The following SOS2 variants were observed in gnomAD, a reference collection of about 807,000 sequenced individuals.
SOS2 encodes the protein son of sevenless homolog 2.
SOS2 carries 65 observed loss-of-function variants against 148.2 expected under a neutral mutation model. The ratio of observed to expected loss-of-function variants is 0.44; its 90% CI spans 0.36 to 0.54. SOS2 has a LOEUF of 0.54. SOS2 is among the 20% of genes least tolerant of loss of function. SOS2 has a pLI of 0.00. For synonymous variants in SOS2, 539 were observed against 537.1 expected (o/e 1.00, Z -0.05); for missense variants, 1,341 against 1,590.2 (o/e 0.84, Z 2.67).
At chr14:50,196,218 G>A (rs1365264315) in intron 4 of SOS2, among the ~76,000 whole-genome samples, 3 of 152,032 alleles carry the variant, frequency 2.0e-5, no homozygotes, top group South Asian at 2.1e-4. Flanking sequence ...GCACAGTATG[G>A]TGAATATAGT....
intron 12 of SOS2, among the ~76,000 whole-genome samples, chr14:50,155,083 G>C (rs1416043339): frequency 6.6e-6 from 1 of 150,528 alleles, no homozygotes; most frequent in Non-Finnish European, 1.5e-5. Flanking sequence ...ATAGATGAAT[G>C]ATAAATGAAC....
Position 50,118,409 on chromosome 14 carries a change from G to T in SOS2, c.3934C>A (p.Arg1312=), listed in dbSNP as rs775973831. The change falls in exon 23 of 23, where the codon CGG becomes AGG. Residue 1312 remains arginine (R), a synonymous_variant. Transcript: ENST00000216373. ...LPKLPPKTYK[R]ELSHPPLYRL... Reference sequence around the variant, plus strand: ...TACAATGGGGGGTGCGAAAGCTCCCGTTTGTAAGTCTTTGGTGGCAGTTTT... The same window carrying T: ...TACAATGGGGGGTGCGAAAGCTCCCTTTTGTAAGTCTTTGGTGGCAGTTTT... 56 of 1,613,950 alleles carry T rather than the reference G, an allele frequency of 3.5e-5. No individual in the cohort carries two copies. The highest frequency in any genetic ancestry group is 1.3e-5 in the African/African-American group (1 of 74,900).
chr14:50,136,651 T>C (rs1241385110), intron 18 of SOS2, among the ~76,000 whole-genome samples: 1 of 151,652 alleles, frequency 6.6e-6, no homozygotes, highest in East Asian at 1.9e-4. Context: ...GTGCAGTGGC[T>C]CTATCTCAGT....
intron 4 of SOS2, among the ~76,000 whole-genome samples, chr14:50,197,496 AAAC>A (rs1304689486): frequency 6.6e-6 from 1 of 152,134 alleles, no homozygotes; most frequent in African/African-American, 2.4e-5. Flanking sequence ...AACCAAGAGA[AAAC>A]AACAGAGAAA....
intron 21 of SOS2, 66 bp downstream of exon 21, chr14:50,129,895 A>C (rs1566818851): frequency 1.0e-6 from 1 of 988,312 alleles, no homozygotes; most frequent in Admixed American, 2.3e-5. Flanking sequence ...AAAATACTCA[A>C]ATATAATCAA....
chr14:50,192,487 C>CAG (rs1425545254), intron 4 of SOS2, among the ~76,000 whole-genome samples: 6 of 152,148 alleles, frequency 3.9e-5, no homozygotes, highest in Admixed American at 3.9e-4. Flanking sequence ...ACACGGGAGG[C>CAG]AGAGGTTGCA....
At chr14:50,131,533 A>G (rs1883865892) in intron 19 of SOS2, among the ~76,000 whole-genome samples, 1 of 150,998 alleles carries the variant, frequency 6.6e-6, no homozygotes, top group Non-Finnish European at 1.5e-5. Context: ...AACATGTCTG[A>G]ACAGTTTGAG....
intron 1 of SOS2, among the ~76,000 whole-genome samples, chr14:50,218,885 C>G (rs1365722817): frequency 6.6e-6 from 1 of 152,026 alleles, no homozygotes; most frequent in Admixed American, 6.6e-5. Flanking sequence ...GAGGCCGAGA[C>G]GAGTGGATCA....
chr14:50,196,517 T>C (rs902016810), intron 4 of SOS2, among the ~76,000 whole-genome samples: 1 of 152,156 alleles, frequency 6.6e-6, no homozygotes, highest in Admixed American at 6.5e-5. Flanking sequence ...TAGATCTCAT[T>C]CATTCTAACA....
At chr14:50,224,712 T>C (rs1000490744) in intron 1 of SOS2, among the ~76,000 whole-genome samples, 1 of 67,020 alleles carries the variant, frequency 1.5e-5, no homozygotes, top group African/African-American at 7.1e-5. Flanking sequence ...AGCAAGACCT[T>C]GTCTCCACAA....
chr14:50,223,303 G>T (rs1170982973), intron 1 of SOS2, among the ~76,000 whole-genome samples: 5 of 152,158 alleles, frequency 3.3e-5, no homozygotes, highest in Non-Finnish European at 7.4e-5. Flanking sequence ...TGGAGGCTGA[G>T]GCAGGAGGAA....
chr14:50,130,588 T>C lies in SOS2; in HGVS notation c.3250A>G (p.Thr1084Ala), dbSNP rs150752193. 775 of 1,614,026 alleles carry C rather than the reference T, an allele frequency of 4.8e-4. 1 individual carries two copies. The highest frequency in any genetic ancestry group is 8.9e-4 in the East Asian group (40 of 44,878). ...TELESTVSAP[T>A]SPNTPSTPPV... ...GGAGTAGATGGTGTATTTGGAGAGG[T>C]TGGTGCTGACACTGTTGATTCCAGC... Residue 1084 changes from threonine (T) to alanine (A), a missense_variant, in exon 20 of 23, where the codon ACC becomes GCC. This residue lies in a region of SOS2 where 354 missense variants were observed against 347.7 expected (regional missense o/e 1.02). Transcript: ENST00000216373.
chr14:50,213,791 G>A (rs1886960297), intron 1 of SOS2, among the ~76,000 whole-genome samples: 1 of 151,498 alleles, frequency 6.6e-6, no homozygotes, highest in Admixed American at 6.6e-5. Context: ...AGTGGAAAGT[G>A]TGTGTGTGGT....
At chr14:50,186,199 A>T (rs1440543061) in intron 5 of SOS2, among the ~76,000 whole-genome samples, 2 of 152,164 alleles carry the variant, frequency 1.3e-5, no homozygotes, top group Admixed American at 1.3e-4. Flanking sequence ...GCTAAAAAAA[A>T]TTATAGTAGA....
intron 11 of SOS2, 74 bp downstream of exon 11, chr14:50,158,491 G>C: frequency 1.2e-6 from 1 of 827,150 alleles, no homozygotes; most frequent in Admixed American, 2.2e-5. Flanking sequence ...TATTTATTAG[G>C]TACTAGGCAC....
intron 7 of SOS2, among the ~76,000 whole-genome samples, chr14:50,178,329 C>T (rs956978905): frequency 3.2e-4 from 48 of 152,214 alleles, no homozygotes; most frequent in South Asian, 2.1e-3. Flanking sequence ...CATGTGAAGA[C>T]GTGCCTGCTT....
In SOS2 at chr14:50,182,573, T is replaced by C; in HGVS notation, c.748A>G (p.Ile250Val). 3 of 1,606,044 alleles carry C rather than the reference T, an allele frequency of 1.9e-6. No individual in the cohort carries two copies. Among genetic ancestry groups the C allele is most frequent in the South Asian group, 1.1e-5 (1 of 90,870 alleles). ...AAAAGTTTCACAGTCAATTCATGTATATCTGAAATGTTACTAAAAATCTTT... is the reference window on the plus strand; with the variant it reads ...AAAAGTTTCACAGTCAATTCATGTACATCTGAAATGTTACTAAAAATCTTT... ...IEKIFSNISD[I>V]HELTVKLLGL... The change falls in exon 6 of 23, where the codon ATA becomes GTA. Residue 250 changes from isoleucine to valine, a missense_variant. Ile to Val is a conservative substitution (Grantham distance 29). Transcript: ENST00000216373.
chr14:50,204,713 C>T (rs1417729504), intron 1 of SOS2, among the ~76,000 whole-genome samples: 1 of 151,960 alleles, frequency 6.6e-6, no homozygotes, highest in African/African-American at 2.4e-5. Flanking sequence ...CTGTGGATAC[C>T]CTGAAGTCAA....
intron 14 of SOS2, among the ~76,000 whole-genome samples, chr14:50,147,942 G>A (rs954403419): frequency 6.6e-6 from 1 of 152,152 alleles, no homozygotes; most frequent in African/African-American, 2.4e-5. Flanking sequence ...GCAACACAGT[G>A]AGACCCTATC....
Sources: gnomAD v4.1 joint callset for allele counts (sites outside exome capture counted in the v4.1 genomes callset) on GRCh38, gnomAD v4.1.1 for gene constraint, gnomAD v4.1.1 regional missense constraint, MANE v1.5 for transcripts, NCBI Gene and HGNC (gene_info 2026-07-23, HGNC 2026-07-21) for gene names.